The following PROC variants were observed in gnomAD, a reference collection of about 807,000 sequenced individuals.
PROC encodes vitamin K-dependent protein C.
Under a neutral mutation model 36.3 loss-of-function variants are expected in PROC, and 22 were observed. That is an observed-to-expected ratio of 0.61 (90% CI 0.43 to 0.86). The LOEUF is 0.86. PROC is among the 40% of genes least tolerant of loss of function. PROC has a pLI of 0.00. For synonymous variants in PROC, 218 were observed against 244.5 expected (o/e 0.89, Z 1.01); for missense variants, 526 against 629.7 (o/e 0.84, Z 1.76).
intron 6 of PROC, among the ~76,000 whole-genome samples, chr2:127,424,044 G>T (rs1467290267): frequency 6.6e-6 from 1 of 151,880 alleles, no homozygotes; most frequent in Non-Finnish European, 1.5e-5. Flanking sequence ...TCTGCCTCTA[G>T]GGACATTTAT....
intron 6 of PROC, chr2:127,423,683 C>G: frequency 2.1e-6 from 1 of 480,538 alleles, no homozygotes; most frequent in Non-Finnish European, 3.6e-6. Context: ...GGGGCCACCT[C>G]CTGGAGCGCA....
At chr2:127,424,552 T>A (rs1472203802) in intron 6 of PROC, among the ~76,000 whole-genome samples, 2 of 152,114 alleles carry the variant, frequency 1.3e-5, no homozygotes, top group East Asian at 3.9e-4. Flanking sequence ...CAGAAAAAAA[T>A]TTTTGGCCAG....
chr2:127,429,020 G>T lies in PROC; in HGVS notation c.*74G>T. The T allele has an allele frequency of 6.5e-7, 1 of 1,528,736 alleles. No individual in the cohort carries two copies. The highest frequency in any genetic ancestry group is 1.7e-4 in the Middle Eastern group (1 of 5,898). The allele number at this position is 1,528,736 out of a possible 1,614,324, so 94.7% of individuals were successfully genotyped here. On this transcript the variant is annotated 3_prime_UTR_variant, in exon 9 of 9. Transcript: ENST00000234071. ...TAAAGGGACATGTAACAAGCACACC[G>T]GCCTGCTGTTCTGTCCTTCCATCCC...
chr2:127,426,039 C>G lies in PROC; in HGVS notation c.536-46C>G. On this transcript the variant is annotated intron_variant, in intron 6 of 8. Transcript: ENST00000234071. This position sits in a 1 kb window ranked among gnomAD's most constrained non-coding sequence, Gnocchi z 7.0. ...GAGGACCAAGACAGGAGGGCAGTCT[C>G]GGGAGGAGTGCCTGGCAGGCCCCTC... 3.1e-6 allele frequency: 5 copies of G among 1,612,892 alleles called. No homozygotes were observed. The highest frequency in any genetic ancestry group is 4.2e-6 in the Non-Finnish European group (5 of 1,179,432).
At chr2:127,421,031 G>A (rs1224133988) in intron 2 of PROC, among the ~76,000 whole-genome samples, 6 of 152,172 alleles carry the variant, frequency 3.9e-5, no homozygotes, top group South Asian at 2.1e-4. Flanking sequence ...CACAGAGATC[G>A]GGGTGGGGTT....
chr2:127,424,834 G>A (rs1175324510), intron 6 of PROC, among the ~76,000 whole-genome samples: 2 of 152,224 alleles, frequency 1.3e-5, no homozygotes, highest in Non-Finnish European at 2.9e-5. Flanking sequence ...ACCCCAGATC[G>A]TGAGGGCTTT....
intron 6 of PROC, among the ~76,000 whole-genome samples, chr2:127,424,224 G>A (rs1055681982): frequency 1.3e-5 from 2 of 151,178 alleles, no homozygotes; most frequent in African/African-American, 4.9e-5. Flanking sequence ...TTGAGATGGA[G>A]TTTCACTCTT....
intron 3 of PROC, among the ~76,000 whole-genome samples, chr2:127,422,399 T>C (rs1416628303): frequency 1.3e-5 from 2 of 152,188 alleles, no homozygotes; most frequent in African/African-American, 4.8e-5. Context: ...AGGCCGTGGG[T>C]CTCAACGTGG....
Position 127,429,055 on chromosome 2 carries a change from C to T in PROC, c.*109C>T. On this transcript the variant is annotated 3_prime_UTR_variant, in exon 9 of 9. Transcript: ENST00000234071. ...TCTGTCCTTCCATCCCTCTTTTGGGCTCTTCTGGAGGGAAGTAACATTTAC... is the reference window on the plus strand; with the variant it reads ...TCTGTCCTTCCATCCCTCTTTTGGGTTCTTCTGGAGGGAAGTAACATTTAC... 1 of 1,288,540 alleles carries T rather than the reference C, an allele frequency of 7.8e-7. No individual in the cohort carries two copies. The highest frequency in any genetic ancestry group is 1.2e-5 in the South Asian group (1 of 81,080). The allele number at this position is 1,288,540 out of a possible 1,614,324, so 79.8% of individuals were successfully genotyped here.
At chr2:127,424,399 G>T (rs781027501) in intron 6 of PROC, among the ~76,000 whole-genome samples, 19 of 152,008 alleles carry the variant, frequency 1.2e-4, no homozygotes, top group Non-Finnish European at 2.1e-4. Context: ...GGGTTTCTCC[G>T]TGTTGGTCAA....
In PROC at chr2:127,418,760, A is replaced by G. The variant is rs1383992657; in HGVS notation, c.-22+268A>G. ...GACAGTTTGGAGCCCAGGACCCTCC[A>G]TTCTCCCCACCCCACTTCCACCTTT... is the stretch of plus-strand genomic sequence containing the variant. On this transcript the variant is annotated intron_variant, in intron 1 of 8. Transcript: ENST00000234071. The surrounding 1 kb of genome is among the most constrained non-coding windows in gnomAD (Gnocchi z 4.8). Among the ~76,000 whole-genome samples the G allele has an allele frequency of 1.3e-5, 2 of 152,130 alleles. No individual in the cohort carries two copies. Among genetic ancestry groups the G allele is most frequent in the East Asian group, 1.9e-4 (1 of 5,194 alleles).
At position 127,428,385 on chromosome 2, in the gene PROC, G is replaced by C. The variant is rs753825629; in HGVS notation, c.825G>C (p.Lys275Asn). The C allele has an allele frequency of 1.4e-5, 23 of 1,614,004 alleles. No individual in the cohort carries two copies. The highest frequency in any genetic ancestry group is 1.8e-5 in the Non-Finnish European group (21 of 1,180,042). The change falls in exon 9 of 9, where the codon AAG (lysine) becomes AAC (asparagine). Residue 275 changes from lysine (K) to asparagine (N), a missense_variant. Coordinates refer to ENST00000234071, the MANE Select transcript of PROC (RefSeq NM_000312.4). The stretch of plus-strand genomic sequence containing the variant: ...AGTATGACCTGCGGCGCTGGGAGAA[G>C]TGGGAGCTGGACCTGGACATCAAGG... Reference protein sequence around the residue: ...LGEYDLRRWEKWELDLDIKEV... With the variant: ...LGEYDLRRWENWELDLDIKEV...
rs1427529269 is a variant in PROC, at chr2:127,429,172, C to T, written c.*226C>T. 6 of 589,416 alleles carry T rather than the reference C, an allele frequency of 1.0e-5. No homozygotes were observed. The highest frequency in any genetic ancestry group is 2.9e-5 in the East Asian group (1 of 34,538). The allele number at this position is 589,416 out of a possible 1,614,324, so 36.5% of individuals were successfully genotyped here. Reference sequence around the variant, plus strand: ...TGGGGAGGAGCAGATCCAAGTTTTGCGGGGTCTAAAGCTGTGTGTGTTGAG... The same window carrying T: ...TGGGGAGGAGCAGATCCAAGTTTTGTGGGGTCTAAAGCTGTGTGTGTTGAG... On this transcript the variant is annotated 3_prime_UTR_variant, in exon 9 of 9. Coordinates refer to ENST00000234071, the MANE Select transcript of PROC (RefSeq NM_000312.4).
rs1688493214 is a variant in PROC, at chr2:127,426,270, G to C, written c.678+43G>C. The C allele has an allele frequency of 6.2e-7, 1 of 1,613,134 alleles. No homozygotes were observed. Among genetic ancestry groups the C allele is most frequent in the East Asian group, 2.2e-5 (1 of 44,878 alleles). On this transcript the variant is annotated intron_variant, in intron 7 of 8. Coordinates refer to ENST00000234071, the MANE Select transcript of PROC (RefSeq NM_000312.4). The surrounding 1 kb of genome is among the most constrained non-coding windows in gnomAD (Gnocchi z 7.0). ...ACCGGCTGCTCACGTGCTGGGTCCGGGATCACTGAGTCCATCCTGGCAGCT... is the reference window on the plus strand; with the variant it reads ...ACCGGCTGCTCACGTGCTGGGTCCGCGATCACTGAGTCCATCCTGGCAGCT...
Position 127,419,926 on chromosome 2 carries a change from G to C in PROC, c.-17G>C, listed in dbSNP as rs1198049332. On this transcript the variant is annotated 5_prime_UTR_variant, in exon 2 of 9. Coordinates refer to ENST00000234071, the MANE Select transcript of PROC (RefSeq NM_000312.4). ...GAGCTCAGAAGTCCTCCTCAGACAGGTGCCAGTGCCTCCAGAATGTGGCAG... is the reference window on the plus strand; with the variant it reads ...GAGCTCAGAAGTCCTCCTCAGACAGCTGCCAGTGCCTCCAGAATGTGGCAG... The C allele has an allele frequency of 8.1e-6, 13 of 1,613,866 alleles. No homozygotes were observed. The highest frequency in any genetic ancestry group is 1.1e-5 in the South Asian group (1 of 91,082).
chr2:127,425,335 C>T (rs141377984), intron 6 of PROC, among the ~76,000 whole-genome samples: 1 of 152,322 alleles, frequency 6.6e-6, no homozygotes, highest in Admixed American at 6.5e-5. Flanking sequence ...TGATGCAGCT[C>T]CCCTGCTGAC....
chr2:127,421,011 C>G (rs1688059703), intron 2 of PROC, among the ~76,000 whole-genome samples: 1 of 152,200 alleles, frequency 6.6e-6, no homozygotes, highest in African/African-American at 2.4e-5. Flanking sequence ...AAGACACTGG[C>G]TCAAGGTCAC....
Position 127,428,722 on chromosome 2 carries a change from G to T in PROC, c.1162G>T (p.Ala388Ser). The T allele has an allele frequency of 6.2e-7, 1 of 1,613,724 alleles. No homozygotes were observed. Among genetic ancestry groups the T allele is most frequent in the Non-Finnish European group, 8.5e-7 (1 of 1,180,028 alleles). ...SNMVSENMLC[A>S]GILGDRQDAC... is the part of the protein sequence containing the mutation. ...CATGGTGTCTGAGAACATGCTGTGT[G>T]CGGGCATCCTCGGGGACCGGCAGGA... Residue 388 changes from alanine (A) to serine (S), a missense_variant, in exon 9 of 9, where the codon GCG (alanine) becomes TCG (serine). Physicochemically the swap from Ala to Ser is moderately conservative, Grantham distance 99. Coordinates refer to ENST00000234071, the MANE Select transcript of PROC (RefSeq NM_000312.4).
chr2:127,425,218 C>T lies in PROC; in HGVS notation c.536-867C>T, dbSNP rs146640331. On this transcript the variant is annotated intron_variant, in intron 6 of 8. Coordinates refer to ENST00000234071, the MANE Select transcript of PROC (RefSeq NM_000312.4). ...CTTCAGCTTCTGGGCGCCCCCATCA[C>T]GGGCTGAGATTTTTGCTTTCCAGTC... Among the ~76,000 whole-genome samples the T allele has an allele frequency of 5.7e-3, 865 of 152,344 alleles. 9 individuals carry two copies. Among genetic ancestry groups the T allele is most frequent in the African/African-American group, 0.02 (815 of 41,584 alleles).
Sources: gnomAD v4.1 joint callset for allele counts (sites outside exome capture counted in the v4.1 genomes callset) on GRCh38, gnomAD v4.1.1 for gene constraint, Gnocchi (gnomAD v3.1) non-coding constraint, MANE v1.5 for transcripts, NCBI Gene and HGNC (gene_info 2026-07-23, HGNC 2026-07-21) for gene names.